CDH13: variants seen among roughly 807,000 people sequenced by gnomAD.
CDH13 encodes cadherin-13.
Under a neutral mutation model 63.8 loss-of-function variants are expected in CDH13, and 24 were observed. The observed-to-expected ratio is 0.38, with a 90% CI of 0.27 to 0.53. The LOEUF (loss-of-function observed/expected upper bound fraction) is 0.53, where lower values mean the gene tolerates loss of function less well. Among genes scored for constraint, CDH13 ranks in the 20% least tolerant of loss-of-function variants. The probability of loss-of-function intolerance (pLI) is 0.85; values close to 1 mark genes in which losing one functional copy is unlikely to be tolerated. For missense variants in CDH13, 1,049 were observed against 903.1 expected (o/e 1.16, Z -2.07); for synonymous variants, 503 against 355.3 (o/e 1.42, Z -4.67).
intron 2 of CDH13, among the ~76,000 whole-genome samples, chr16:82,944,365 T>C (rs960363972): frequency 6.6e-6 from 1 of 152,194 alleles, no homozygotes; most frequent in Non-Finnish European, 1.5e-5. Flanking sequence ...TAGTGGGCTT[T>C]GGTGGACTCC....
At chr16:82,728,269 A>G (rs2151031632) in intron 1 of CDH13, among the ~76,000 whole-genome samples, 1 of 152,242 alleles carries the variant, frequency 6.6e-6, no homozygotes, top group East Asian at 1.9e-4. Flanking sequence ...TGTAAAAATA[A>G]ATACTAATCT....
chr16:82,893,967 G>A (rs2041166569), intron 2 of CDH13, among the ~76,000 whole-genome samples: 1 of 151,988 alleles, frequency 6.6e-6, no homozygotes, highest in Middle Eastern at 3.4e-3. Flanking sequence ...CTTTAATCCA[G>A]TCTACACAGA....
chr16:83,412,792 T>C (rs1431285068), intron 6 of CDH13, among the ~76,000 whole-genome samples: 2 of 152,214 alleles, frequency 1.3e-5, no homozygotes, highest in East Asian at 1.9e-4. Context: ...ACATAAGCCA[T>C]GCATTTACGA....
chr16:83,360,396 G>C (rs901907605), intron 6 of CDH13, among the ~76,000 whole-genome samples: 7 of 152,084 alleles, frequency 4.6e-5, no homozygotes, highest in African/African-American at 1.7e-4. Flanking sequence ...AAGAAATAGA[G>C]CCTTCTACAA....
chr16:82,777,374 C>G (rs2035547207), intron 1 of CDH13, among the ~76,000 whole-genome samples: 1 of 152,134 alleles, frequency 6.6e-6, no homozygotes, highest in Non-Finnish European at 1.5e-5. Flanking sequence ...AAACCCAGTT[C>G]CTTTGGGGAC....
intron 6 of CDH13, among the ~76,000 whole-genome samples, chr16:83,476,357 G>C (rs2073604508): frequency 6.6e-6 from 1 of 152,132 alleles, no homozygotes; most frequent in African/African-American, 2.4e-5. Context: ...GCTGTAAAAA[G>C]GACTAGGCTT....
chr16:83,399,571 C>T (rs2091937238), intron 6 of CDH13, among the ~76,000 whole-genome samples: 1 of 152,134 alleles, frequency 6.6e-6, no homozygotes, highest in African/African-American at 2.4e-5. Context: ...TTTGTCTCAT[C>T]CTCTTGGATC....
At chr16:82,984,201 C>T (rs1463589206) in intron 2 of CDH13, among the ~76,000 whole-genome samples, 1 of 152,218 alleles carries the variant, frequency 6.6e-6, no homozygotes, top group Non-Finnish European at 1.5e-5. Context: ...ACTCTAAAAC[C>T]TTCTTTCCCT....
chr16:83,574,122 C>T (rs1415160067), intron 7 of CDH13, among the ~76,000 whole-genome samples: 1 of 152,148 alleles, frequency 6.6e-6, no homozygotes, highest in African/African-American at 2.4e-5. Flanking sequence ...GCAGCATTGT[C>T]ATGAGGTTCA....
At chr16:83,405,512 G>A (rs1158969672) in intron 6 of CDH13, among the ~76,000 whole-genome samples, 1 of 152,194 alleles carries the variant, frequency 6.6e-6, no homozygotes, top group Non-Finnish European at 1.5e-5. Flanking sequence ...GCAGCACCTA[G>A]AAGCAGGAAA....
intron 1 of CDH13, among the ~76,000 whole-genome samples, chr16:82,775,130 G>A (rs1480000516): frequency 6.6e-6 from 1 of 152,086 alleles, no homozygotes; most frequent in Admixed American, 6.5e-5. Context: ...TCTATACCTC[G>A]GCTGTCTTAT....
chr16:83,018,863 G>A (rs1472091371), intron 2 of CDH13, among the ~76,000 whole-genome samples: 1 of 152,104 alleles, frequency 6.6e-6, no homozygotes, highest in Non-Finnish European at 1.5e-5. Context: ...ACACAGAAAA[G>A]GTATAATAAA....
chr16:82,831,293 A>T (rs2038529951), intron 1 of CDH13, among the ~76,000 whole-genome samples: 1 of 152,190 alleles, frequency 6.6e-6, no homozygotes. Flanking sequence ...CCATACATTT[A>T]TCCTTAGCTA....
chr16:83,232,149 T>C (rs981805315), intron 5 of CDH13, among the ~76,000 whole-genome samples: 4 of 147,326 alleles, frequency 2.7e-5, no homozygotes, highest in Non-Finnish European at 3.0e-5. Flanking sequence ...CAAACCCCCA[T>C]GACACAAGTT....
At chr16:83,399,341 G>C (rs543498050) in intron 6 of CDH13, among the ~76,000 whole-genome samples, 1 of 152,308 alleles carries the variant, frequency 6.6e-6, no homozygotes, top group East Asian at 1.9e-4. Flanking sequence ...TAATGACAAG[G>C]TTGAAAATAA....
chr16:83,625,906 C>T (rs558814500), intron 8 of CDH13, among the ~76,000 whole-genome samples: 1 of 152,236 alleles, frequency 6.6e-6, no homozygotes, highest in Admixed American at 6.5e-5. Context: ...TGAGATAGGG[C>T]AGAAACACTG....
intron 2 of CDH13, among the ~76,000 whole-genome samples, chr16:82,976,260 C>A (rs1323707576): frequency 1.3e-5 from 2 of 152,150 alleles, no homozygotes; most frequent in Admixed American, 6.5e-5. Context: ...TTAACAAACA[C>A]CAGCTCCACT....
chr16:83,445,264 TA>T (rs1370031211), intron 6 of CDH13, among the ~76,000 whole-genome samples: 5 of 139,248 alleles, frequency 3.6e-5, no homozygotes, highest in African/African-American at 1.3e-4. Flanking sequence ...TTATAATTTA[TA>T]AAAGCTTTTA....
At chr16:83,744,559 T>G (rs899712010) in intron 10 of CDH13, among the ~76,000 whole-genome samples, 2 of 152,224 alleles carry the variant, frequency 1.3e-5, no homozygotes, top group African/African-American at 2.4e-5. Context: ...CATCAAAACA[T>G]TGTTCCCCTA....
Sources: gnomAD v4.1 joint callset for allele counts (sites outside exome capture counted in the v4.1 genomes callset) on GRCh38, gnomAD v4.1.1 for gene constraint, MANE v1.5 for transcripts, NCBI Gene and HGNC (gene_info 2026-07-23, HGNC 2026-07-21) for gene names.